HYCC1: variants seen among roughly 807,000 people sequenced by gnomAD.
The protein encoded by HYCC1 is hyccin PI4KA lipid kinase complex subunit 1.
At chr7:22,997,339 T>C in the HYCC1 span, among the ~76,000 whole-genome samples, 5 of 152,172 alleles carry the variant, frequency 3.3e-5, no homozygotes, top group Non-Finnish European at 7.4e-5. Flanking sequence ...AACGACAAAC[T>C]ACTATAAAAC....
the HYCC1 span, among the ~76,000 whole-genome samples, chr7:22,968,280 C>A: frequency 1.1e-4 from 16 of 152,128 alleles, no homozygotes; most frequent in Non-Finnish European, 2.2e-4. Context: ...CTATGTCATA[C>A]CCCTAAAAAG....
the HYCC1 span, among the ~76,000 whole-genome samples, chr7:22,927,181 A>C: frequency 5.3e-4 from 81 of 152,240 alleles, no homozygotes; most frequent in Non-Finnish European, 8.7e-4. Context: ...ACATTCAAAG[A>C]AGTGTGTAGA....
chr7:22,897,691 GCTC>G, the HYCC1 span, among the ~76,000 whole-genome samples: 29 of 151,592 alleles, frequency 1.9e-4, no homozygotes, highest in Non-Finnish European at 3.5e-4. Context: ...AGTGGGGTGA[GCTC>G]CTCCTGGGCT....
At chr7:22,909,905 T>C in the HYCC1 span, among the ~76,000 whole-genome samples, 1 of 152,214 alleles carries the variant, frequency 6.6e-6, no homozygotes, top group East Asian at 1.9e-4. Flanking sequence ...CAAATAATCA[T>C]GACCCTCACA....
chr7:23,013,545 G>T, the HYCC1 span, among the ~76,000 whole-genome samples: 56 of 152,304 alleles, frequency 3.7e-4, no homozygotes, highest in Non-Finnish European at 6.9e-4. Flanking sequence ...ACCCGGCAGA[G>T]GGGCGGCCGG....
the HYCC1 span, among the ~76,000 whole-genome samples, chr7:22,947,790 G>C: frequency 6.6e-6 from 1 of 152,012 alleles, no homozygotes; most frequent in East Asian, 1.9e-4. Context: ...ATGATATTTG[G>C]GAAAATGCTT....
chr7:22,926,721 C>T, the HYCC1 span, among the ~76,000 whole-genome samples: 1 of 151,214 alleles, frequency 6.6e-6, no homozygotes, highest in Non-Finnish European at 1.5e-5. Flanking sequence ...TAGACTCCCA[C>T]ACAATAATAA....
the HYCC1 span, among the ~76,000 whole-genome samples, chr7:22,963,351 G>A: frequency 6.6e-6 from 1 of 152,156 alleles, no homozygotes; most frequent in African/African-American, 2.4e-5. Flanking sequence ...TTTCAGCAAA[G>A]AGACGGGAAC....
At chr7:22,918,393 C>A in the HYCC1 span, among the ~76,000 whole-genome samples, 1 of 152,104 alleles carries the variant, frequency 6.6e-6, no homozygotes, top group African/African-American at 2.4e-5. Flanking sequence ...TCAGCTTAAT[C>A]TCTCCCATTC....
chr7:22,901,429 A>G, the HYCC1 span, among the ~76,000 whole-genome samples: 2 of 152,114 alleles, frequency 1.3e-5, no homozygotes, highest in African/African-American at 2.4e-5. Flanking sequence ...AAACACACCA[A>G]TTAGAAGACG....
At chr7:22,927,549 A>G in the HYCC1 span, among the ~76,000 whole-genome samples, 1 of 152,378 alleles carries the variant, frequency 6.6e-6, no homozygotes, top group South Asian at 2.1e-4. Flanking sequence ...AGAGAATACT[A>G]TAAACACCTC....
chr7:22,896,604 T>C, the HYCC1 span, among the ~76,000 whole-genome samples: 34 of 152,298 alleles, frequency 2.2e-4, no homozygotes, highest in African/African-American at 7.9e-4. Context: ...TTTATACAAT[T>C]GTCTTTTGGT....
the HYCC1 span, chr7:22,984,086 G>A: frequency 8.3e-7 from 1 of 1,197,990 alleles, no homozygotes; most frequent in Non-Finnish European, 1.2e-6. Context: ...TTTATGAAAT[G>A]TCCAGAATAG....
the HYCC1 span, among the ~76,000 whole-genome samples, chr7:23,001,894 C>CT: frequency 3.9e-5 from 5 of 127,390 alleles, no homozygotes; most frequent in Non-Finnish European, 5.1e-5. Flanking sequence ...TTATGGCAAA[C>CT]ATTTTTTTTT....
chr7:22,965,307 G>A, the HYCC1 span, among the ~76,000 whole-genome samples: 3 of 151,756 alleles, frequency 2.0e-5, no homozygotes, highest in Admixed American at 1.3e-4. Flanking sequence ...ATAAACTTCA[G>A]ATAGATTATA....
At chr7:22,975,518 T>C in the HYCC1 span, among the ~76,000 whole-genome samples, 3 of 152,206 alleles carry the variant, frequency 2.0e-5, no homozygotes, top group African/African-American at 7.2e-5. Flanking sequence ...TCTTACTTAT[T>C]TCTTAGTTCC....
At chr7:22,918,323 G>A in the HYCC1 span, among the ~76,000 whole-genome samples, 10 of 152,048 alleles carry the variant, frequency 6.6e-5, no homozygotes, top group African/African-American at 2.4e-4. Flanking sequence ...TAATCATGCT[G>A]TATGACAAAT....
chr7:22,971,672 T>A, the HYCC1 span, among the ~76,000 whole-genome samples: 1 of 82,890 alleles, frequency 1.2e-5, no homozygotes. Flanking sequence ...CAAGACCCCA[T>A]CTCACAAAAA....
At chr7:22,990,577 AAT>A in the HYCC1 span, among the ~76,000 whole-genome samples, 1 of 152,220 alleles carries the variant, frequency 6.6e-6, no homozygotes, top group Non-Finnish European at 1.5e-5. Context: ...GAGACAAGAA[AAT>A]ATGTTTTATT....
Sources: allele counts gnomAD v4.1 joint callset (sites outside exome capture counted in the v4.1 genomes callset), GRCh38; gene constraint gnomAD v4.1.1; transcripts MANE v1.5; gene names NCBI Gene and HGNC (gene_info 2026-07-23, HGNC 2026-07-21).